WDR27: variants seen among roughly 807,000 people sequenced by gnomAD.
WDR27 encodes the protein WD repeat-containing protein 27.
In WDR27, 100 loss-of-function variants were observed where a neutral mutation model predicts 114.4. The observed-to-expected ratio is 0.87, with a 90% CI of 0.74 to 1.03. WDR27 has a LOEUF of 1.03. Ranked by LOEUF, WDR27 falls within the 50% of genes least tolerant of loss-of-function variation. The probability of loss-of-function intolerance (pLI) is 0.00; values close to 1 mark genes in which losing one functional copy is unlikely to be tolerated. For missense variants in WDR27, 1,129 were observed against 1,092.9 expected, an observed-to-expected ratio of 1.03 and a Z score of -0.47; for synonymous variants, 449 against 423.1, an observed-to-expected ratio of 1.06 and a Z score of -0.75.
intron 25 of WDR27, among the ~76,000 whole-genome samples, chr6:169,540,097 A>G (rs562477725): frequency 6.6e-6 from 1 of 152,232 alleles, no homozygotes; most frequent in African/African-American, 2.4e-5. Flanking sequence ...CAAAATCATT[A>G]ATCATAATTT....
intron 2 of WDR27, among the ~76,000 whole-genome samples, chr6:169,681,330 G>A (rs193111770): frequency 2.3e-3 from 344 of 152,198 alleles, no homozygotes; most frequent in Non-Finnish European, 3.6e-3. Context: ...CATATCTCCC[G>A]ACAATAACAA....
intron 1 of WDR27, among the ~76,000 whole-genome samples, chr6:169,699,275 G>A (rs562566821): frequency 1.3e-4 from 20 of 152,256 alleles, no homozygotes; most frequent in African/African-American, 3.9e-4. Flanking sequence ...GCTGCAGGGA[G>A]GGACAAAGGA....
At chr6:169,549,810 T>C (rs1797871930) in intron 25 of WDR27, among the ~76,000 whole-genome samples, 1 of 152,118 alleles carries the variant, frequency 6.6e-6, no homozygotes, top group Non-Finnish European at 1.5e-5. Flanking sequence ...CTCTATGATC[T>C]CCTGGAAAAG....
intron 24 of WDR27, among the ~76,000 whole-genome samples, chr6:169,582,362 A>G (rs1803631986): frequency 6.6e-6 from 1 of 152,198 alleles, no homozygotes; most frequent in Non-Finnish European, 1.5e-5. Flanking sequence ...TTGATTTGCA[A>G]CGGTTATTTT....
rs763542659 is a variant in WDR27, at chr6:169,647,807, G to A, written c.1623C>T (p.Pro541=). 1.3e-6 allele frequency: 2 copies of A among 1,584,232 alleles called. No homozygotes were observed. The highest frequency in any genetic ancestry group is 1.3e-5 in the African/African-American group (1 of 74,414). ...TKPGPQVAAA[P]TCTRVCCIQY... ...GGATGCAGCATACACGTGTGCAGGT[G>A]GGGGCGGCAGCGACCTGGGGGCCGG... The change falls in exon 16 of 26, where the codon CCC becomes CCT. Residue 541 remains proline, a synonymous_variant. Transcript: ENST00000448612.
intron 13 of WDR27, chr6:169,657,764 A>G (rs9396990): frequency 0.085 from 13,086 of 154,632 alleles, 1,802 homozygotes; most frequent in East Asian, 0.61. Flanking sequence ...AAATATTGTC[A>G]AGGCAATCAA....
chr6:169,699,380 C>T (rs1787200625), intron 1 of WDR27, among the ~76,000 whole-genome samples: 1 of 152,046 alleles, frequency 6.6e-6, no homozygotes, highest in Admixed American at 6.5e-5. Flanking sequence ...TATCAGCTGC[C>T]CAGGAGACCA....
chr6:169,685,987 A>C (rs1282662941), intron 2 of WDR27, among the ~76,000 whole-genome samples: 1 of 152,352 alleles, frequency 6.6e-6, no homozygotes, highest in East Asian at 1.9e-4. Context: ...TCTCTATTTG[A>C]CTAACAGCAT....
downstream of WDR27, among the ~76,000 whole-genome samples, chr6:169,452,310 T>G (rs1224300014): frequency 4.6e-5 from 7 of 152,222 alleles, no homozygotes; most frequent in African/African-American, 1.4e-4. Context: ...GCTCCTTGCT[T>G]GAAAGAAACG....
intron 1 of WDR27, among the ~76,000 whole-genome samples, chr6:169,693,516 G>C (rs1785031653): frequency 6.6e-6 from 1 of 152,152 alleles, no homozygotes; most frequent in Non-Finnish European, 1.5e-5. Context: ...TGGTCTAAGT[G>C]CTCCACTGGA....
intron 25 of WDR27, among the ~76,000 whole-genome samples, chr6:169,489,750 G>C (rs1305564899): frequency 6.6e-6 from 1 of 152,194 alleles, no homozygotes; most frequent in Non-Finnish European, 1.5e-5. Flanking sequence ...CCCTCCAGAT[G>C]GTTGCAATGT....
chr6:169,606,727 G>A (rs1158916113), intron 22 of WDR27, among the ~76,000 whole-genome samples: 1 of 152,158 alleles, frequency 6.6e-6, no homozygotes, highest in Non-Finnish European at 1.5e-5. Flanking sequence ...TGGGCATCTG[G>A]GTTGATTCCA....
intron 25 of WDR27, among the ~76,000 whole-genome samples, chr6:169,528,886 A>C (rs1239245853): frequency 6.6e-6 from 1 of 152,202 alleles, no homozygotes; most frequent in Non-Finnish European, 1.5e-5. Flanking sequence ...ATTAGAAGAT[A>C]CACATGTTGG....
Position 169,668,039 on chromosome 6 carries a change from C to G in WDR27, c.603G>C (p.Glu201Asp). The change falls in exon 5 of 26, where the codon GAG (glutamate) becomes GAC (aspartate). Residue 201 changes from glutamate to aspartate, a missense_variant. By Grantham distance (45) the Glu-to-Asp change is conservative. Coordinates refer to ENST00000448612, the MANE Select transcript of WDR27 (RefSeq NM_182552.5). ...GGGTGCCTGCTCGCCAGGGACAGAA[C>G]TCCACCGCAGTCACCGGGCCCAGGT... ...QGHLGPVTAV[E>D]FCPWRAGTLI... is the part of the protein sequence containing the mutation. The G allele has an allele frequency of 6.2e-7, 1 of 1,614,032 alleles. No homozygotes were observed. The highest frequency in any genetic ancestry group is 1.1e-5 in the South Asian group (1 of 91,074).
Position 169,611,252 on chromosome 6 carries a change from T to C in WDR27, c.2321+2307A>G, listed in dbSNP as rs145632088. On this transcript the variant is annotated intron_variant, in intron 22 of 25. Transcript: ENST00000448612. ...GCTACACTAAATTTATTTTAAAATATTTTTATTTCCTCAGTAATAAATTAA... is the reference window on the plus strand; with the variant it reads ...GCTACACTAAATTTATTTTAAAATACTTTTATTTCCTCAGTAATAAATTAA... 7.3e-3 allele frequency among the ~76,000 whole-genome samples: 1,110 copies of C among 152,124 alleles called. 24 individuals carry two copies. Among genetic ancestry groups the C allele is most frequent in the African/African-American group, 0.026 (1,075 of 41,500 alleles).
chr6:169,475,031 T>C (rs1327522513), intron 25 of WDR27, among the ~76,000 whole-genome samples: 1 of 152,220 alleles, frequency 6.6e-6, no homozygotes. Flanking sequence ...AATATATTAC[T>C]CCTTTCTCCA....
At chr6:169,611,191 C>A (rs1810442559) in intron 22 of WDR27, among the ~76,000 whole-genome samples, 1 of 152,002 alleles carries the variant, frequency 6.6e-6, no homozygotes, top group African/African-American at 2.4e-5. Context: ...GGCATGACCA[C>A]AACTGCTATA....
Position 169,659,003 on chromosome 6 carries a change from T to C in WDR27, c.1319+83A>G. The C allele has an allele frequency of 6.8e-7, 1 of 1,464,142 alleles. No individual in the cohort carries two copies. 90.7% of individuals were successfully genotyped at this position (1,464,142 alleles called of 1,614,324 possible). A position where few individuals can be genotyped will look rare whatever the true frequency, so the allele number is the denominator to read the frequency against. On this transcript the variant is annotated intron_variant, in intron 12 of 25. Transcript: ENST00000448612. The surrounding 1 kb of genome is among the most constrained non-coding windows in gnomAD (Gnocchi z 4.3). ...CGCCCGGCCAGAGCTCAGAGTTTTC[T>C]AATCTTTATTTCTGAACATAGAAAT...
intron 1 of WDR27, among the ~76,000 whole-genome samples, chr6:169,695,026 G>A (rs757526061): frequency 1.3e-5 from 2 of 152,226 alleles, no homozygotes; most frequent in African/African-American, 2.4e-5. Context: ...TGGTAGCCCA[G>A]AGGAAATCCA....
Sources: gnomAD v4.1 joint callset for allele counts (sites outside exome capture counted in the v4.1 genomes callset) on GRCh38, gnomAD v4.1.1 for gene constraint, Gnocchi (gnomAD v3.1) non-coding constraint, MANE v1.5 for transcripts, NCBI Gene and HGNC (gene_info 2026-07-23, HGNC 2026-07-21) for gene names.